The following PDE12 variants were observed in gnomAD, a reference collection of about 807,000 sequenced individuals.
The protein encoded by PDE12 is 2',5'-phosphodiesterase 12.
A neutral mutation model predicts 45.4 loss-of-function variants in PDE12; 26 were observed. The ratio of observed to expected loss-of-function variants is 0.57; its 90% CI spans 0.42 to 0.79. The LOEUF (loss-of-function observed/expected upper bound fraction) is 0.79. PDE12 is among the 30% of genes least tolerant of loss of function. The pLI is 0.00. For missense variants in PDE12, 668 were observed against 790.0 expected (o/e 0.85, Z 1.85); for synonymous variants, 283 against 323.9 (o/e 0.87, Z 1.36).
chr3:57,646,849 T>A, the PDE12 span, among the ~76,000 whole-genome samples: 1 of 152,180 alleles, frequency 6.6e-6, no homozygotes, highest in Admixed American at 6.5e-5. Flanking sequence ...ATACTTAACT[T>A]AAAACCCAAT....
chr3:57,570,417 C>CA (rs1189699862), downstream of PDE12, among the ~76,000 whole-genome samples: 10 of 39,942 alleles, frequency 2.5e-4, no homozygotes, highest in African/African-American at 2.9e-3. Context: ...GATGGGGTTT[C>CA]ACCATGTTGC....
At chr3:57,630,439 T>G in the PDE12 span, 1 of 1,590,126 alleles carries the variant, frequency 6.3e-7, no homozygotes, top group Non-Finnish European at 8.5e-7. Flanking sequence ...AAAGAGCTTC[T>G]AGATGGAGTG....
chr3:57,614,772 A>G, the PDE12 span, among the ~76,000 whole-genome samples: 2 of 150,962 alleles, frequency 1.3e-5, no homozygotes, highest in East Asian at 3.9e-4. Flanking sequence ...TTTTCTAAAA[A>G]CACAAAGGTC....
chr3:57,589,760 T>A, the PDE12 span, among the ~76,000 whole-genome samples: 19 of 150,404 alleles, frequency 1.3e-4, no homozygotes, highest in Non-Finnish European at 2.2e-4. Flanking sequence ...CCTTTGCCCA[T>A]AATTATGGCA....
chr3:57,577,417 A>G, the PDE12 span: 3 of 1,571,506 alleles, frequency 1.9e-6, no homozygotes, highest in Non-Finnish European at 2.6e-6. Context: ...GTAAATTTTA[A>G]CAGTTAAACG....
At chr3:57,633,710 G>C in the PDE12 span, among the ~76,000 whole-genome samples, 1 of 152,078 alleles carries the variant, frequency 6.6e-6, no homozygotes, top group Non-Finnish European at 1.5e-5. Context: ...CCATCATGGT[G>C]AAACCCCGTC....
At chr3:57,584,087 A>C in the PDE12 span, 1 of 1,004,110 alleles carries the variant, frequency 1.0e-6, no homozygotes, top group Non-Finnish European at 1.5e-6. Context: ...TTCTTAGAAT[A>C]GTGTTTTTAA....
chr3:57,606,429 C>G, the PDE12 span, among the ~76,000 whole-genome samples: 1 of 152,030 alleles, frequency 6.6e-6, no homozygotes, highest in Admixed American at 6.6e-5. Context: ...TTCAGACATG[C>G]AAAAGTTGAA....
the PDE12 span, among the ~76,000 whole-genome samples, chr3:57,582,204 C>G: frequency 6.6e-6 from 1 of 151,822 alleles, no homozygotes; most frequent in Non-Finnish European, 1.5e-5. Context: ...TATCAAGTAT[C>G]TTTTCTAGTC....
At chr3:57,568,095 T>TAAAAAAAA (rs2069802595), downstream of PDE12, among the ~76,000 whole-genome samples, 10 of 100,410 alleles carry the variant, frequency 1.0e-4, no homozygotes, top group African/African-American at 3.4e-4. Context: ...AAAAAAAAAG[T>TAAAAAAAA]AAAGCACTTG....
chr3:57,580,673 C>A, the PDE12 span, among the ~76,000 whole-genome samples: 3 of 152,164 alleles, frequency 2.0e-5, no homozygotes, highest in South Asian at 2.1e-4. Context: ...GTGTTTCAGG[C>A]ATAAGCCATA....
At chr3:57,638,053 G>A in the PDE12 span, among the ~76,000 whole-genome samples, 7 of 151,904 alleles carry the variant, frequency 4.6e-5, no homozygotes, top group African/African-American at 1.7e-4. Flanking sequence ...AGAATCACTT[G>A]AACCCAGGAG....
At position 57,557,647 on chromosome 3, in the gene PDE12, C is replaced by T; in HGVS notation, c.1268C>T (p.Ser423Leu). 6.2e-7 allele frequency: 1 copy of T among 1,614,126 alleles called. No individual in the cohort carries two copies. Among genetic ancestry groups the T allele is most frequent in the Non-Finnish European group, 8.5e-7 (1 of 1,180,036 alleles). The change falls in exon 1 of 3, where the codon TCA becomes TTA. Residue 423 changes from serine (S) to leucine (L), a missense_variant. Coordinates refer to ENST00000311180, the MANE Select transcript of PDE12 (RefSeq NM_177966.7). ...CTGGAGAAACTAGTTTTGTACCCAT[C>T]AGCGCAGGAGAAGGTGCTCCAGAGA... ...ELLEKLVLYP[S>L]AQEKVLQRSS...
chr3:57,591,820 C>T, the PDE12 span, among the ~76,000 whole-genome samples: 1 of 152,076 alleles, frequency 6.6e-6, no homozygotes, highest in African/African-American at 2.4e-5. Flanking sequence ...GACAAAGAGG[C>T]CATAAATCAT....
the PDE12 span, among the ~76,000 whole-genome samples, chr3:57,593,455 T>C: frequency 6.6e-6 from 1 of 152,126 alleles, no homozygotes. Context: ...GTGACAAATA[T>C]AGGATCCTTT....
the PDE12 span, chr3:57,654,490 G>A: frequency 5.2e-6 from 2 of 384,432 alleles, no homozygotes; most frequent in Non-Finnish European, 7.1e-6. Context: ...GTCACAATAG[G>A]GAACAGGGGA....
chr3:57,648,163 T>C, the PDE12 span, among the ~76,000 whole-genome samples: 2 of 152,124 alleles, frequency 1.3e-5, no homozygotes, highest in Non-Finnish European at 2.9e-5. Context: ...TCAGCAAAGT[T>C]TCCGAATACA....
At chr3:57,614,967 T>C in the PDE12 span, among the ~76,000 whole-genome samples, 49 of 149,170 alleles carry the variant, frequency 3.3e-4, no homozygotes, top group Admixed American at 3.0e-3. Flanking sequence ...CATTCTAGCC[T>C]GGGTAACAAA....
the PDE12 span, among the ~76,000 whole-genome samples, chr3:57,629,498 ATCAGTCCGCTTT>A: frequency 2.0e-5 from 3 of 149,974 alleles, no homozygotes; most frequent in Non-Finnish European, 3.0e-5. Context: ...TAAAAAAAAA[ATCAGTCCGCTTT>A]TTTTTTTTTT....
Sources: allele counts gnomAD v4.1 joint callset (sites outside exome capture counted in the v4.1 genomes callset), GRCh38; gene constraint gnomAD v4.1.1; transcripts MANE v1.5; gene names NCBI Gene and HGNC (gene_info 2026-07-23, HGNC 2026-07-21).